The following SLCO1B1 variants were observed in gnomAD, a reference collection of about 807,000 sequenced individuals.
SLCO1B1 encodes solute carrier organic anion transporter family member 1B1.
SLCO1B1 carries 81 observed loss-of-function variants against 70.1 expected under a neutral mutation model. That is an observed-to-expected ratio of 1.16 (90% CI 0.97 to 1.39). The LOEUF (loss-of-function observed/expected upper bound fraction) is 1.39, where lower values mean the gene tolerates loss of function less well. Among genes scored for constraint, SLCO1B1 ranks in the 40% most tolerant of loss-of-function variants. The probability of loss-of-function intolerance (pLI) is 0.00; values close to 1 mark genes in which losing one functional copy is unlikely to be tolerated. For missense variants in SLCO1B1, 895 were observed against 799.6 expected (o/e 1.12, Z -1.44); for synonymous variants, 283 against 271.5 (o/e 1.04, Z -0.42).
intron 2 of SLCO1B1, among the ~76,000 whole-genome samples, chr12:21,145,786 T>G (rs554807423): frequency 6.6e-6 from 1 of 152,172 alleles, no homozygotes; most frequent in Admixed American, 6.5e-5. Flanking sequence ...TCTGTGCTCC[T>G]TGATTCTTAT....
intron 2 of SLCO1B1, among the ~76,000 whole-genome samples, chr12:21,147,068 T>A (rs11045787): frequency 6.6e-6 from 1 of 152,116 alleles, no homozygotes; most frequent in Non-Finnish European, 1.5e-5. Context: ...GTATTTCTAC[T>A]GGCTTTTACT....
rs570895422 is a variant in SLCO1B1 at position 21,131,822 on chromosome 12, A to G, written c.-62+586A>G. Among the ~76,000 whole-genome samples the G allele has an allele frequency of 7.9e-5, 12 of 151,876 alleles. No homozygotes were observed. The South Asian group carries it at 2.5e-3, about 31-fold the overall frequency. ...AATAAGCAAAAAGTCTTCTCAGTAC[A>G]GTTTTTTTCTTTTTTTATTTCATTA... On this transcript the variant is annotated intron_variant, in intron 1 of 14. Coordinates refer to ENST00000256958, the MANE Select transcript of SLCO1B1 (RefSeq NM_006446.5).
chr12:21,186,680 A>G (rs34632551), intron 7 of SLCO1B1, among the ~76,000 whole-genome samples: 18,571 of 151,832 alleles, frequency 0.12, 1,510 homozygotes, highest in Non-Finnish European at 0.18. Context: ...AAAAAAGGGA[A>G]AAAAAAAGGA....
chr12:21,139,347 G>A (rs1337576235), intron 1 of SLCO1B1, among the ~76,000 whole-genome samples: 5 of 151,984 alleles, frequency 3.3e-5, no homozygotes, highest in East Asian at 3.9e-4. Flanking sequence ...CCAGAAACCC[G>A]ACATATCTAG....
At chr12:21,137,956 G>C (rs546201387) in intron 1 of SLCO1B1, among the ~76,000 whole-genome samples, 24 of 152,282 alleles carry the variant, frequency 1.6e-4, no homozygotes, top group South Asian at 1.4e-3. Flanking sequence ...GACCAGAGCT[G>C]TTCCTATTTG....
chr12:21,149,402 A>G (rs1940436259), intron 2 of SLCO1B1, among the ~76,000 whole-genome samples: 1 of 152,152 alleles, frequency 6.6e-6, no homozygotes, highest in Admixed American at 6.5e-5. Flanking sequence ...TATTCCATCA[A>G]TACCTAGTTT....
chr12:21,178,887 T>A, intron 6 of SLCO1B1, 35 bp from the exon 7 acceptor site: 1 of 1,475,256 alleles, frequency 6.8e-7, no homozygotes, highest in Non-Finnish European at 9.5e-7. Flanking sequence ...CATGCATTCT[T>A]GGCATCTAGT....
chr12:21,155,155 T>C (rs939973466), intron 2 of SLCO1B1, among the ~76,000 whole-genome samples: 7 of 151,952 alleles, frequency 4.6e-5, no homozygotes, highest in Admixed American at 4.6e-4. Flanking sequence ...TTATTATTTC[T>C]TTAAATATTT....
Position 21,189,474 on chromosome 12 carries a change from C to G in SLCO1B1, c.728-7472C>G, listed in dbSNP as rs188513217. Among the ~76,000 whole-genome samples the G allele has an allele frequency of 1.6e-3, 240 of 150,684 alleles. 3 individuals are homozygous for G. Among genetic ancestry groups the G allele is most frequent in the African/African-American group, 5.8e-3 (236 of 41,010 alleles). ...AAATTAATTTTTTTTTTTTGAGTCACTCTCACTCTGTCACCCAGGCTGGAG... is the reference window on the plus strand; with the variant it reads ...AAATTAATTTTTTTTTTTTGAGTCAGTCTCACTCTGTCACCCAGGCTGGAG... On this transcript the variant is annotated intron_variant, in intron 7 of 14. Transcript: ENST00000256958.
chr12:21,139,187 ATT>A (rs201551410), intron 1 of SLCO1B1, among the ~76,000 whole-genome samples: 1 of 151,898 alleles, frequency 6.6e-6, no homozygotes, highest in African/African-American at 2.4e-5. Context: ...CTATTATATA[ATT>A]TTTTTAAAAA....
intron 7 of SLCO1B1, among the ~76,000 whole-genome samples, chr12:21,185,685 G>GA (rs980599243): frequency 1.1e-4 from 16 of 147,748 alleles, no homozygotes; most frequent in South Asian, 2.1e-4. Context: ...ACACTAACTA[G>GA]AAAAAAAAAG....
At chr12:21,135,290 C>G (rs188337974) in intron 1 of SLCO1B1, among the ~76,000 whole-genome samples, 207 of 152,254 alleles carry the variant, frequency 1.4e-3, no homozygotes, top group African/African-American at 4.5e-3. Context: ...TGGTGTGGTG[C>G]TGAAAAGAAT....
Position 21,178,621 on chromosome 12 carries a change from TG to T in SLCO1B1, c.530del (p.Gly177ValfsTer7), listed in dbSNP as rs755871104. 2.5e-6 allele frequency: 4 copies of T among 1,608,268 alleles called. No homozygotes were observed. The highest frequency in any genetic ancestry group is 3.4e-6 in the Non-Finnish European group (4 of 1,174,890). ...SGSYMWIYVFMGNMLRGIGET... is the reference protein window; with the variant it reads ...SGSYMWIYVFXGNMLRGIGET... ...TCATACATGTGGATATATGTGTTCA[TG>T]GGTAATATGCTTCGTGGAATAGGGG... On this transcript the variant is annotated frameshift_variant, in exon 6 of 15. Coordinates refer to ENST00000256958, the MANE Select transcript of SLCO1B1 (RefSeq NM_006446.5). LOFTEE classifies it high-confidence loss of function.
chr12:21,151,106 G>A (rs957303384), intron 2 of SLCO1B1, among the ~76,000 whole-genome samples: 1 of 152,110 alleles, frequency 6.6e-6, no homozygotes, highest in Non-Finnish European at 1.5e-5. Flanking sequence ...CTATTACTTT[G>A]ATGCTACCAA....
At chr12:21,197,213 A>G (rs778803838) in intron 8 of SLCO1B1, 25 bp downstream of exon 8, 4 of 1,610,938 alleles carry the variant, frequency 2.5e-6, no homozygotes, top group African/African-American at 1.3e-5. Flanking sequence ...TTCATTGTCA[A>G]TTTGGAGTTG....
At chr12:21,173,543 CTTA>C (rs1940780495) in intron 3 of SLCO1B1, among the ~76,000 whole-genome samples, 1 of 151,620 alleles carries the variant, frequency 6.6e-6, no homozygotes, top group Non-Finnish European at 1.5e-5. Context: ...TTATTATTCC[CTTA>C]TTATTTTTAG....
intron 2 of SLCO1B1, among the ~76,000 whole-genome samples, chr12:21,161,452 T>C (rs1309979528): frequency 6.6e-6 from 1 of 151,994 alleles, no homozygotes; most frequent in Non-Finnish European, 1.5e-5. Flanking sequence ...AAGTGGGAGC[T>C]AAATGATGAG....
intron 3 of SLCO1B1, among the ~76,000 whole-genome samples, 181 bp downstream of exon 3, chr12:21,172,972 C>G (rs1415779171): frequency 6.6e-6 from 1 of 152,138 alleles, no homozygotes; most frequent in Non-Finnish European, 1.5e-5. Flanking sequence ...CTACTGGTAT[C>G]TAAAGGTAGA....
At chr12:21,179,054 G>A (rs758113138) in intron 7 of SLCO1B1, 34 bp downstream of exon 7, 8 of 1,292,338 alleles carry the variant, frequency 6.2e-6, no homozygotes, top group Middle Eastern at 3.7e-4. Flanking sequence ...CCATGATAAC[G>A]TCTTTCTAAG....
Sources: allele counts gnomAD v4.1 joint callset (sites outside exome capture counted in the v4.1 genomes callset), GRCh38; gene constraint gnomAD v4.1.1; transcripts MANE v1.5; gene names NCBI Gene and HGNC (gene_info 2026-07-23, HGNC 2026-07-21).